Variants in CD96 observed in about 807,000 individuals in gnomAD.
CD96 encodes T-cell surface protein tactile.
In CD96, 70 loss-of-function variants were observed where a neutral mutation model predicts 71.3. That is an observed-to-expected ratio of 0.98 (90% CI 0.81 to 1.20). CD96 has a LOEUF of 1.20. Ranked by LOEUF, CD96 falls within the 50% of genes most tolerant of loss-of-function variation. CD96 has a pLI of 0.00. For synonymous variants in CD96, 248 were observed against 233.0 expected, an observed-to-expected ratio of 1.06 and a Z score of -0.59; for missense variants, 742 against 677.5, an observed-to-expected ratio of 1.10 and a Z score of -1.06.
intron 5 of CD96, chr3:111,594,225 T>C (rs1440397291): frequency 6.4e-7 from 1 of 1,563,030 alleles, no homozygotes; most frequent in South Asian, 1.2e-5. Context: ...CAGCGTTCTT[T>C]ATGATGTGCT....
At position 111,570,679 on chromosome 3, in the gene CD96, A is replaced by G. The variant is rs1043171156; in HGVS notation, c.543+3032A>G. 1.9e-6 allele frequency: 3 copies of G among 1,611,444 alleles called. No individual in the cohort carries two copies. The African/African-American group carries it at 4.0e-5, about 22-fold the overall frequency. ...GACATGACAAAGCATTTGCCCTGGT[A>G]GGAATCAGAGGGGCTGCTGTAGGAC... is the stretch of plus-strand genomic sequence containing the variant. On this transcript the variant is annotated intron_variant, in intron 3 of 13. Coordinates refer to ENST00000352690, the MANE Select transcript of CD96 (RefSeq NM_005816.5).
intron 2 of CD96, among the ~76,000 whole-genome samples, chr3:111,563,223 G>T (rs1204705915): frequency 1.3e-5 from 2 of 152,224 alleles, no homozygotes; most frequent in African/African-American, 4.8e-5. Context: ...TTTCAGAGGG[G>T]AGAAGCATTC....
intron 12 of CD96, among the ~76,000 whole-genome samples, chr3:111,641,094 C>T (rs1939568650): frequency 6.6e-6 from 1 of 152,062 alleles, no homozygotes; most frequent in Non-Finnish European, 1.5e-5. Flanking sequence ...AAACAAAAAT[C>T]CAAAGTACAC....
chr3:111,581,321 G>A (rs1393029181), intron 4 of CD96, among the ~76,000 whole-genome samples: 3 of 152,160 alleles, frequency 2.0e-5, no homozygotes, highest in Non-Finnish European at 4.4e-5. Flanking sequence ...TGTTACCCAA[G>A]TATATATTGT....
At chr3:111,549,786 A>G (rs1458362238) in intron 2 of CD96, among the ~76,000 whole-genome samples, 1 of 152,186 alleles carries the variant, frequency 6.6e-6, no homozygotes, top group Non-Finnish European at 1.5e-5. Context: ...GAACACTGGA[A>G]GATGATCAGA....
intron 10 of CD96, among the ~76,000 whole-genome samples, chr3:111,626,773 A>G (rs535814077): frequency 6.6e-6 from 1 of 152,334 alleles, no homozygotes; most frequent in Non-Finnish European, 1.5e-5. Flanking sequence ...TGGCAACCAT[A>G]TACAACAGCA....
intron 14 of CD96, among the ~76,000 whole-genome samples, chr3:111,664,340 A>G (rs911260054): frequency 6.6e-6 from 1 of 152,208 alleles, no homozygotes; most frequent in Non-Finnish European, 1.5e-5. Context: ...AAAAAGAATG[A>G]AATCATGTCC....
intron 6 of CD96, among the ~76,000 whole-genome samples, chr3:111,599,635 C>T (rs1937406799): frequency 6.6e-6 from 1 of 151,936 alleles, no homozygotes; most frequent in African/African-American, 2.4e-5. Context: ...GCAGGAGAAT[C>T]GCTTGAACCT....
intron 2 of CD96, among the ~76,000 whole-genome samples, chr3:111,566,032 A>T (rs981351761): frequency 8.1e-5 from 12 of 149,058 alleles, no homozygotes; most frequent in African/African-American, 2.9e-4. Context: ...ATATATATTT[A>T]TATATATAAT....
chr3:111,661,159 A>G (rs1940344686), intron 14 of CD96, among the ~76,000 whole-genome samples: 1 of 152,154 alleles, frequency 6.6e-6, no homozygotes, highest in Non-Finnish European at 1.5e-5. Context: ...TGAAGGGGAA[A>G]GTGCTACACA....
chr3:111,598,472 A>G (rs2107643623), intron 6 of CD96, among the ~76,000 whole-genome samples: 1 of 152,372 alleles, frequency 6.6e-6, no homozygotes, highest in South Asian at 2.1e-4. Flanking sequence ...ACTAGCAGTA[A>G]AAGGAATATC....
chr3:111,571,127 T>C, intron 3 of CD96: 1 of 691,578 alleles, frequency 1.4e-6, no homozygotes, highest in Non-Finnish European at 2.6e-6. Flanking sequence ...TTACAGCACA[T>C]GCTGTTCCCT....
At chr3:111,563,779 A>G (rs558072774) in intron 2 of CD96, among the ~76,000 whole-genome samples, 2 of 152,326 alleles carry the variant, frequency 1.3e-5, no homozygotes, top group Admixed American at 6.5e-5. Context: ...TGCTAAAGGT[A>G]AATAGATAAT....
chr3:111,585,330 A>G lies in CD96; in HGVS notation c.759A>G (p.Pro253=). 1.9e-6 allele frequency: 3 copies of G among 1,610,250 alleles called. No homozygotes were observed. Among genetic ancestry groups the G allele is most frequent in the East Asian group, 2.2e-5 (1 of 44,842 alleles). Residue 253 remains proline, a synonymous_variant, in exon 5 of 14, where the codon CCA becomes CCG. Transcript: ENST00000352690. ...GTTTTATTTGCCTTTAAGCTAAACCAGAAATCCCTGTGATTGTGGAAAATA... is the reference window on the plus strand; with the variant it reads ...GTTTTATTTGCCTTTAAGCTAAACCGGAAATCCCTGTGATTGTGGAAAATA... The part of the protein sequence containing the change: ...SSTTVKVFAK[P]EIPVIVENNS...
At chr3:111,612,099 T>A (rs533684260) in intron 8 of CD96, among the ~76,000 whole-genome samples, 5 of 152,186 alleles carry the variant, frequency 3.3e-5, no homozygotes, top group Non-Finnish European at 1.5e-5. Flanking sequence ...GAACAACAAA[T>A]AGCCACTATG....
intron 2 of CD96, among the ~76,000 whole-genome samples, chr3:111,562,028 G>C (rs1221453488): frequency 6.6e-6 from 1 of 152,210 alleles, no homozygotes. Context: ...CTGACCCCTT[G>C]CACTTCCCAG....
At chr3:111,591,921 G>C (rs1475925570) in intron 5 of CD96, among the ~76,000 whole-genome samples, 1 of 152,208 alleles carries the variant, frequency 6.6e-6, no homozygotes, top group African/African-American at 2.4e-5. Context: ...GAATATGAGT[G>C]AACTACATAG....
chr3:111,576,796 C>T (rs1024581925), intron 3 of CD96, among the ~76,000 whole-genome samples: 1 of 152,098 alleles, frequency 6.6e-6, no homozygotes, highest in African/African-American at 2.4e-5. Flanking sequence ...TAACATAATA[C>T]TAGTATTATT....
At chr3:111,652,475 G>A (rs1015158472), downstream of CD96, 19 of 152,014 alleles carry the variant, frequency 1.2e-4, no homozygotes, top group Admixed American at 8.5e-4. Context: ...CAGAGTTGGA[G>A]GTATTTGGAT....
Sources: allele counts gnomAD v4.1 joint callset (sites outside exome capture counted in the v4.1 genomes callset), GRCh38; gene constraint gnomAD v4.1.1; transcripts MANE v1.5; gene names NCBI Gene and HGNC (gene_info 2026-07-23, HGNC 2026-07-21).